CREM: variants seen among roughly 807,000 people sequenced by gnomAD.
CREM encodes cAMP-responsive element modulator.
A neutral mutation model predicts 37.3 loss-of-function variants in CREM; 13 were observed. The observed-to-expected ratio is 0.35, with a 90% CI of 0.23 to 0.55. The LOEUF (loss-of-function observed/expected upper bound fraction) is 0.55. CREM is among the 20% of genes least tolerant of loss of function. CREM has a pLI of 0.88. For missense variants in CREM, 296 were observed against 362.3 expected, an observed-to-expected ratio of 0.82 and a Z score of 1.49; for synonymous variants, 124 against 120.2, an observed-to-expected ratio of 1.03 and a Z score of -0.21.
At chr10:35,153,040 G>T (rs772883702) in intron 3 of CREM, among the ~76,000 whole-genome samples, 1 of 152,040 alleles carries the variant, frequency 6.6e-6, no homozygotes, top group Non-Finnish European at 1.5e-5. Context: ...AGGAGTTCAA[G>T]ACCAGCTTGA....
rs1359452355 is a variant in CREM, at chr10:35,212,190, A to G, written c.*792A>G. 1 of 157,824 alleles carries G rather than the reference A, an allele frequency of 6.3e-6. No individual in the cohort carries two copies. Among genetic ancestry groups the G allele is most frequent in the East Asian group, 1.8e-4 (1 of 5,550 alleles). 9.8% of individuals were successfully genotyped at this position (157,824 alleles called of 1,614,324 possible). A position where few individuals can be genotyped will look rare whatever the true frequency, so the allele number is the denominator to read the frequency against. The stretch of plus-strand genomic sequence containing the variant: ...AGTACAATAAAAGTAAACCACAAAA[A>G]AATACCTCAGGAAAGAATAGAAAGA... On this transcript the variant is annotated 3_prime_UTR_variant, in exon 8 of 8. Transcript: ENST00000685392.
chr10:35,208,545 C>T (rs2095590614), intron 7 of CREM, among the ~76,000 whole-genome samples: 1 of 152,164 alleles, frequency 6.6e-6, no homozygotes, highest in Non-Finnish European at 1.5e-5. Flanking sequence ...ATAATGTCCT[C>T]ATTGTGTGCA....
intron 3 of CREM, among the ~76,000 whole-genome samples, chr10:35,169,503 A>G (rs936959014): frequency 2.0e-5 from 3 of 152,184 alleles, no homozygotes; most frequent in Non-Finnish European, 2.9e-5. Context: ...AGCTGAGACG[A>G]TGGGGTTTTC....
intron 3 of CREM, among the ~76,000 whole-genome samples, chr10:35,172,534 T>A: frequency 6.6e-6 from 1 of 151,812 alleles, no homozygotes; most frequent in East Asian, 1.9e-4. Context: ...ACAAACTGTG[T>A]TAGTATTAAC....
chr10:35,194,900 A>ATAT (rs1797926793), intron 6 of CREM, among the ~76,000 whole-genome samples: 1 of 138,632 alleles, frequency 7.2e-6, no homozygotes, highest in Non-Finnish European at 1.5e-5. Flanking sequence ...GCTAAAAGAG[A>ATAT]CATTATTATT....
chr10:35,193,077 A>G (rs1336886518), intron 6 of CREM, among the ~76,000 whole-genome samples: 2 of 152,196 alleles, frequency 1.3e-5, no homozygotes, highest in African/African-American at 4.8e-5. Flanking sequence ...CATCTGGCTT[A>G]GGCAACCTTC....
At chr10:35,172,808 C>T (rs373067170) in intron 3 of CREM, among the ~76,000 whole-genome samples, 3 of 152,140 alleles carry the variant, frequency 2.0e-5, no homozygotes, top group Admixed American at 2.0e-4. Context: ...TTCCACAGAA[C>T]GTCATTTTCT....
chr10:35,178,651 G>C (rs2094207446), intron 3 of CREM, among the ~76,000 whole-genome samples: 1 of 152,196 alleles, frequency 6.6e-6, no homozygotes, highest in Non-Finnish European at 1.5e-5. Flanking sequence ...TATTTCTGTA[G>C]TATAGAGTAC....
intron 5 of CREM, 56 bp downstream of exon 5, chr10:35,179,332 A>G (rs1440271629): frequency 8.3e-6 from 13 of 1,570,512 alleles, no homozygotes; most frequent in Non-Finnish European, 1.1e-5. Context: ...TTCTCTAGTT[A>G]TATTGAAGCA....
intron 5 of CREM, chr10:35,179,787 ATAATT>A (rs1267968183): frequency 6.6e-6 from 1 of 152,506 alleles, no homozygotes; most frequent in Non-Finnish European, 1.5e-5. Flanking sequence ...AATTGGATAG[ATAATT>A]TTATTTGAAA....
chr10:35,182,016 C>T (rs1338379950), intron 5 of CREM, among the ~76,000 whole-genome samples: 1 of 152,152 alleles, frequency 6.6e-6, no homozygotes, highest in Non-Finnish European at 1.5e-5. Context: ...TCTGTATGTA[C>T]AGTCTGCAGG....
At position 35,145,508 on chromosome 10, in the gene CREM, A is replaced by G. The variant is rs939535550; in HGVS notation, c.45-2860A>G. On this transcript the variant is annotated intron_variant, in intron 2 of 7. Transcript: ENST00000685392. ...GATTCAAGAAATTACGGCCAGTTGC[A>G]ATGGCTCACGCCTAGTAATCCCAGC... Among the ~76,000 whole-genome samples the G allele has an allele frequency of 2.0e-5, 3 of 152,292 alleles. No homozygotes were observed. The East Asian group carries it at 5.8e-4, about 29-fold the overall frequency.
At chr10:35,170,202 T>C (rs1437798354) in intron 3 of CREM, among the ~76,000 whole-genome samples, 1 of 152,132 alleles carries the variant, frequency 6.6e-6, no homozygotes, top group Non-Finnish European at 1.5e-5. Flanking sequence ...CCTGAACTCG[T>C]GATCCGCCTG....
At chr10:35,201,350 T>G in intron 6 of CREM, 1 of 1,224,334 alleles carries the variant, frequency 8.2e-7, no homozygotes, top group Non-Finnish European at 1.2e-6. Context: ...CTAACATTTG[T>G]GGAGTGCCTG....
At chr10:35,201,578 T>A in intron 6 of CREM, 1 of 1,468,610 alleles carries the variant, frequency 6.8e-7, no homozygotes, top group Non-Finnish European at 9.3e-7. Context: ...AGATATGTAG[T>A]TAATGACCAA....
At chr10:35,169,138 G>A (rs918084392) in intron 3 of CREM, among the ~76,000 whole-genome samples, 2 of 151,842 alleles carry the variant, frequency 1.3e-5, no homozygotes, top group Non-Finnish European at 2.9e-5. Context: ...TCTGAAGAAA[G>A]TCATTGGTAG....
rs2095669583 is a variant in CREM at position 35,211,869 on chromosome 10, G to T, written c.*471G>T. 1 of 1,393,660 alleles carries T rather than the reference G, an allele frequency of 7.2e-7. No homozygotes were observed. The highest frequency in any genetic ancestry group is 2.5e-5 in the Admixed American group (1 of 39,268). The allele number at this position is 1,393,660 out of a possible 1,614,324, so 86.3% of individuals were successfully genotyped here. A position where few individuals can be genotyped will look rare whatever the true frequency, so the allele number is the denominator to read the frequency against. On this transcript the variant is annotated 3_prime_UTR_variant, in exon 8 of 8. Transcript: ENST00000685392. ...TTTTGAAGGAATACAATATATAGCT[G>T]GCAAGAATGGTGGCTTCTTTTCTTT...
chr10:35,197,366 A>G (rs1162000373), intron 6 of CREM, among the ~76,000 whole-genome samples: 1 of 151,818 alleles, frequency 6.6e-6, no homozygotes, highest in East Asian at 1.9e-4. Context: ...GTCATTTCTT[A>G]CAGAATCAGT....
intron 1 of CREM, among the ~76,000 whole-genome samples, chr10:35,136,981 T>C (rs2090635711): frequency 6.6e-6 from 1 of 151,982 alleles, no homozygotes; most frequent in Non-Finnish European, 1.5e-5. Flanking sequence ...CCACCATACC[T>C]GGTCAGTTTT....
Sources: allele counts gnomAD v4.1 joint callset (sites outside exome capture counted in the v4.1 genomes callset), GRCh38; gene constraint gnomAD v4.1.1; transcripts MANE v1.5; gene names NCBI Gene and HGNC (gene_info 2026-07-23, HGNC 2026-07-21).